Variants in RNFT1 observed in about 807,000 individuals in gnomAD.
The protein encoded by RNFT1 is ring finger protein, transmembrane 1.
Under a neutral mutation model 53.2 loss-of-function variants are expected in RNFT1, and 35 were observed. That is an observed-to-expected ratio of 0.66 (90% CI 0.50 to 0.87). RNFT1 has a LOEUF of 0.87. Ranked by LOEUF, RNFT1 falls within the 40% of genes least tolerant of loss-of-function variation. The probability of loss-of-function intolerance (pLI) is 0.00; values close to 1 mark genes in which losing one functional copy is unlikely to be tolerated. For missense variants in RNFT1, 421 were observed against 515.0 expected (o/e 0.82, Z 1.77); for synonymous variants, 141 against 172.8 (o/e 0.82, Z 1.44).
At position 59,952,407 on chromosome 17, in the gene RNFT1, A is replaced by C. The variant is rs904392159; in HGVS notation, c.*570T>G. 4.6e-5 allele frequency: 7 copies of C among 152,254 alleles called. No homozygotes were observed. The highest frequency in any genetic ancestry group is 8.8e-5 in the Non-Finnish European group (6 of 68,046). The allele number at this position is 152,254 out of a possible 1,614,324, so 9.4% of individuals were successfully genotyped here. On this transcript the variant is annotated 3_prime_UTR_variant, in exon 9 of 9. Coordinates refer to ENST00000305783, the MANE Select transcript of RNFT1 (RefSeq NM_016125.4). ...TCACTTATTACTAATCTTACTACAG[A>C]GAATAATACAATACTATAATGTATC...
Position 59,952,903 on chromosome 17 carries a change from C to T in RNFT1, c.*74G>A. 1 of 1,406,940 alleles carries T rather than the reference C, an allele frequency of 7.1e-7. No individual in the cohort carries two copies. Among genetic ancestry groups the T allele is most frequent in the Non-Finnish European group, 9.7e-7 (1 of 1,030,200 alleles). The allele number at this position is 1,406,940 out of a possible 1,614,324, so 87.2% of individuals were successfully genotyped here. A position where few individuals can be genotyped will look rare whatever the true frequency, so the allele number is the denominator to read the frequency against. On this transcript the variant is annotated 3_prime_UTR_variant, in exon 9 of 9. Transcript: ENST00000305783. ...CATTTTTCTGGTAGCCCTGAAAATCCATTCTGATGCCTTATCAGTAGTCAT... is the reference window on the plus strand; with the variant it reads ...CATTTTTCTGGTAGCCCTGAAAATCTATTCTGATGCCTTATCAGTAGTCAT...
At chr17:59,953,706 G>A (rs899243502) in intron 8 of RNFT1, among the ~76,000 whole-genome samples, 2 of 152,120 alleles carry the variant, frequency 1.3e-5, no homozygotes, top group African/African-American at 4.8e-5. Flanking sequence ...TGAGTTACTA[G>A]TAACTGCCAT....
Position 59,964,690 on chromosome 17 carries a change from G to GCCAT in RNFT1, c.-31_-28dup. 6.3e-7 allele frequency: 1 copy of GCCAT among 1,584,614 alleles called. No individual in the cohort carries two copies. Among genetic ancestry groups the GCCAT allele is most frequent in the South Asian group, 1.1e-5 (1 of 87,062 alleles). On this transcript the variant is annotated 5_prime_UTR_variant, in exon 1 of 9. The change creates a new upstream start codon in the 5' untranslated region. Transcript: ENST00000305783. Reference sequence around the variant, plus strand: ...CACCGCCTCCAGCCCTTCAGTCGGGGCCATCAACCGCAAACCCCGCAAGCT... The same window carrying GCCAT: ...CACCGCCTCCAGCCCTTCAGTCGGGGCCATCCATCAACCGCAAACCCCGCAAGCT...
rs2045305085 is a variant in RNFT1, at chr17:59,962,900, G to A, written c.441C>T (p.Leu147=). ...GAAGACTTTTTTGCAGCCACTTGAA[G>A]AGATAGCGGAATTCTGAGAAGGAGC... is the stretch of plus-strand genomic sequence containing the variant. ...GSSSFSEFRY[L]FKWLQKSLPY... is the part of the protein sequence containing the mutation. The change falls in exon 2 of 9, where the codon CTC becomes CTT. Residue 147 remains leucine (L), a synonymous_variant. Coordinates refer to ENST00000305783, the MANE Select transcript of RNFT1 (RefSeq NM_016125.4). The A allele has an allele frequency of 6.2e-7, 1 of 1,614,076 alleles. No individual in the cohort carries two copies. Among genetic ancestry groups the A allele is most frequent in the Non-Finnish European group, 8.5e-7 (1 of 1,180,032 alleles).
At chr17:59,964,541 T>A in intron 1 of RNFT1, 67 bp downstream of exon 1, 1 of 1,482,492 alleles carries the variant, frequency 6.7e-7, no homozygotes, top group Non-Finnish European at 9.2e-7. Context: ...GTGCCTATTC[T>A]CCCCAGAGCC....
In RNFT1 at chr17:59,964,693, A is replaced by T. The variant is rs376901171; in HGVS notation, c.-30T>A. The stretch of plus-strand genomic sequence containing the variant: ...CGCCTCCAGCCCTTCAGTCGGGGCC[A>T]TCAACCGCAAACCCCGCAAGCTCTT... On this transcript the variant is annotated 5_prime_UTR_variant, in exon 1 of 9. It removes an upstream start codon present in the reference 5' UTR. Coordinates refer to ENST00000305783, the MANE Select transcript of RNFT1 (RefSeq NM_016125.4). 10 of 1,583,016 alleles carry T rather than the reference A, an allele frequency of 6.3e-6. No homozygotes were observed. Among genetic ancestry groups the T allele is most frequent in the Admixed American group, 1.8e-5 (1 of 56,456 alleles).
At position 59,952,812 on chromosome 17, in the gene RNFT1, G is replaced by T; in HGVS notation, c.*165C>A. The T allele has an allele frequency of 1.8e-6, 1 of 558,816 alleles. No individual in the cohort carries two copies. Among genetic ancestry groups the T allele is most frequent in the Non-Finnish European group, 3.1e-6 (1 of 323,242 alleles). The allele number at this position is 558,816 out of a possible 1,614,324, so 34.6% of individuals were successfully genotyped here. A position where few individuals can be genotyped will look rare whatever the true frequency, so the allele number is the denominator to read the frequency against. ...AACATTATATATATTTTAAAACACA[G>T]GGTGGTTTCATTTAATCTTTTGGTG... On this transcript the variant is annotated 3_prime_UTR_variant, in exon 9 of 9. Coordinates refer to ENST00000305783, the MANE Select transcript of RNFT1 (RefSeq NM_016125.4).
intron 4 of RNFT1, chr17:59,959,409 T>C (rs921630778): frequency 6.6e-6 from 1 of 152,170 alleles, no homozygotes; most frequent in African/African-American, 2.4e-5. Context: ...AAGCTGAAAA[T>C]TCAGAATACT....
intron 8 of RNFT1, among the ~76,000 whole-genome samples, chr17:59,953,551 T>C (rs1434684966): frequency 6.6e-6 from 1 of 152,140 alleles, no homozygotes; most frequent in African/African-American, 2.4e-5. Context: ...ATTGTGAAAA[T>C]GGAGAACGTA....
intron 3 of RNFT1, 188 bp downstream of exon 3, chr17:59,962,352 G>A (rs2045299912): frequency 2.0e-6 from 1 of 497,890 alleles, no homozygotes; most frequent in Non-Finnish European, 3.6e-6. Context: ...GTAAGGTGAA[G>A]GAATTCAGCA....
chr17:59,953,826 C>T, intron 8 of RNFT1: 1 of 389,194 alleles, frequency 2.6e-6, no homozygotes, highest in Non-Finnish European at 4.6e-6. Flanking sequence ...ATTCAATCTG[C>T]CAGTTGAATT....
chr17:59,956,425 TAA>T (rs2045254579), intron 7 of RNFT1, 61 bp downstream of exon 7: 2 of 1,126,652 alleles, frequency 1.8e-6, no homozygotes, highest in African/African-American at 1.6e-5. Context: ...ACTGCTGAAC[TAA>T]AAAAATTTTT....
At chr17:59,953,871 A>G (rs1397043107) in intron 8 of RNFT1, 174 bp downstream of exon 8, 15 of 469,036 alleles carry the variant, frequency 3.2e-5, no homozygotes, top group Non-Finnish European at 3.4e-5. Flanking sequence ...CTGCATAAAA[A>G]TTATCAGAAC....
chr17:59,953,791 T>C (rs2045236739), intron 8 of RNFT1, among the ~76,000 whole-genome samples: 2 of 152,194 alleles, frequency 1.3e-5, no homozygotes, highest in South Asian at 4.1e-4. Context: ...AATTATAAAA[T>C]AGCCTGTTTT....
In RNFT1 at chr17:59,958,390, C is replaced by A; in HGVS notation, c.747G>T (p.Trp249Cys). 1 of 1,601,738 alleles carries A rather than the reference C, an allele frequency of 6.2e-7. No homozygotes were observed. The highest frequency in any genetic ancestry group is 1.3e-5 in the African/African-American group (1 of 74,228). The change falls in exon 5 of 9, where the codon TGG becomes TGT. Residue 249 changes from tryptophan (W) to cysteine (C), a missense_variant. Transcript: ENST00000305783. ...GAATGAAGTCTGTAATTCCAACAAT[C>A]CAAAATACTTCCCAGAAGCTCAAAT... ...LDHLSFWEVFWIVGITDFILK... is the reference protein window; with the variant it reads ...LDHLSFWEVFCIVGITDFILK...
Position 59,956,469 on chromosome 17 carries a change from A to C in RNFT1, c.1071+19T>G. 1 of 1,587,770 alleles carries C rather than the reference A, an allele frequency of 6.3e-7. No homozygotes were observed. The highest frequency in any genetic ancestry group is 1.1e-5 in the South Asian group (1 of 88,220). Reference sequence around the variant, plus strand: ...AAGAAAGGTGAAGGTGTTTTTCTTAACTGATAAAAAGTACTTACTGGTTGT... The same window carrying C: ...AAGAAAGGTGAAGGTGTTTTTCTTACCTGATAAAAAGTACTTACTGGTTGT... On this transcript the variant is annotated intron_variant, in intron 7 of 8. Coordinates refer to ENST00000305783, the MANE Select transcript of RNFT1 (RefSeq NM_016125.4).
chr17:59,959,499 A>G (rs1202554223), intron 4 of RNFT1: 3 of 152,220 alleles, frequency 2.0e-5, no homozygotes, highest in Non-Finnish European at 4.4e-5. Flanking sequence ...AATAATAACA[A>G]CCTAATGGTA....
Position 59,962,945 on chromosome 17 carries a change from T to C in RNFT1, c.396A>G (p.Glu132=). 1 of 1,614,220 alleles carries C rather than the reference T, an allele frequency of 6.2e-7. No individual in the cohort carries two copies. Residue 132 remains glutamate (E), a synonymous_variant, in exon 2 of 9, where the codon GAA becomes GAG. Transcript: ENST00000305783. ...AGGAGCTACTACCATGATCTCCAGA[T>C]TCTGCGGCAGTATCATCAGTCAGCC... ...EARLTDDTAA[E]SGDHGSSSFS... is the part of the protein sequence containing the mutation.
chr17:59,962,320 A>G (rs1214391791), intron 3 of RNFT1: 4 of 440,560 alleles, frequency 9.1e-6, no homozygotes, highest in Non-Finnish European at 1.6e-5. Flanking sequence ...ACAGTAACCA[A>G]TTTTTTTTTC....
Sources: gnomAD v4.1 joint callset for allele counts (sites outside exome capture counted in the v4.1 genomes callset) on GRCh38, gnomAD v4.1.1 for gene constraint, MANE v1.5 for transcripts, NCBI Gene and HGNC (gene_info 2026-07-23, HGNC 2026-07-21) for gene names.